Variants in ZZEF1 observed in about 807,000 individuals in gnomAD.
ZZEF1 encodes zinc finger ZZ-type and EF-hand domain-containing protein 1.
A neutral mutation model predicts 342.8 loss-of-function variants in ZZEF1; 157 were observed. That is an observed-to-expected ratio of 0.46 (90% confidence interval 0.40 to 0.52). The LOEUF is 0.52. Ranked by LOEUF, ZZEF1 falls within the 20% of genes least tolerant of loss-of-function variation. ZZEF1 has a pLI of 0.00. For missense variants in ZZEF1, 3,480 were observed against 3,725.6 expected, an observed-to-expected ratio of 0.93 and a Z score of 1.72; for synonymous variants, 1,505 against 1,429.1, an observed-to-expected ratio of 1.05 and a Z score of -1.20.
intron 18 of ZZEF1, among the ~76,000 whole-genome samples, chr17:4,079,072 T>C (rs1312625694): frequency 6.6e-6 from 1 of 152,222 alleles, no homozygotes; most frequent in African/African-American, 2.4e-5. Flanking sequence ...CCAAATGGTA[T>C]ATACAATTAT....
At position 4,114,476 on chromosome 17, in the gene ZZEF1, G is replaced by C; in HGVS notation, c.695-6C>G. On this transcript the variant is annotated splice_region_variant and splice_polypyrimidine_tract_variant and intron_variant, in intron 3 of 54. Coordinates refer to ENST00000381638, the MANE Select transcript of ZZEF1 (RefSeq NM_015113.4). ...AGTTAGATCTCCAGGGCTTTCTGTA[G>C]GGGAAACCAGAGTTGATTATATGAC... The C allele has an allele frequency of 6.6e-7, 1 of 1,504,314 alleles. No homozygotes were observed. 93.2% of individuals were successfully genotyped at this position (1,504,314 alleles called of 1,614,324 possible).
At chr17:4,063,832 A>G (rs2057334569) in intron 29 of ZZEF1, among the ~76,000 whole-genome samples, 2 of 151,692 alleles carry the variant, frequency 1.3e-5, no homozygotes. Flanking sequence ...ACTTTGAGCA[A>G]TTCTCCTGCC....
Position 4,006,970 on chromosome 17 carries a change from C to A in ZZEF1, c.8806G>T (p.Ala2936Ser). 6.3e-7 allele frequency: 1 copy of A among 1,581,486 alleles called. No homozygotes were observed. Among genetic ancestry groups the A allele is most frequent in the South Asian group, 1.2e-5 (1 of 86,680 alleles). The change falls in exon 55 of 55, where the codon GCT (alanine) becomes TCT (serine). Residue 2936 changes from alanine (A) to serine (S), a missense_variant and splice_region_variant. By Grantham distance (99) the Ala-to-Ser change is moderately conservative. Transcript: ENST00000381638. Reference sequence around the variant, plus strand: ...CTGATGGCAGCAATGTTCTGCAGAGCCTGTAGAGGGAAAAAGAGTTGTCGC... The same window carrying A: ...CTGATGGCAGCAATGTTCTGCAGAGACTGTAGAGGGAAAAAGAGTTGTCGC... ...DDHLLRCAAQALQNIAAISLA... is the reference protein window; with the variant it reads ...DDHLLRCAAQSLQNIAAISLA...
At chr17:4,059,660 C>T (rs1375521876) in intron 30 of ZZEF1, among the ~76,000 whole-genome samples, 2 of 152,198 alleles carry the variant, frequency 1.3e-5, no homozygotes, top group Non-Finnish European at 2.9e-5. Flanking sequence ...TCATTGATGA[C>T]TTTGGCACCA....
intron 39 of ZZEF1, among the ~76,000 whole-genome samples, chr17:4,041,963 T>A (rs2056812717): frequency 6.6e-6 from 1 of 152,124 alleles, no homozygotes; most frequent in Non-Finnish European, 1.5e-5. Context: ...AACTATTCTA[T>A]CAATGCTAAA....
intron 39 of ZZEF1, 44 bp from the exon 40 acceptor site, chr17:4,034,336 T>A (rs769329549): frequency 1.9e-6 from 3 of 1,599,364 alleles, no homozygotes; most frequent in East Asian, 2.2e-5. Context: ...AAAATCCACA[T>A]AACCAAACTT....
rs71144154 is a variant in ZZEF1, at chr17:4,023,656, C to CAAAAAAAAAAAAA, written c.7093-841_7093-829dup. Among the ~76,000 whole-genome samples the CAAAAAAAAAAAAA allele has an allele frequency of 2.8e-5, 2 of 71,424 alleles. 1 individual carries two copies. Among genetic ancestry groups the CAAAAAAAAAAAAA allele is most frequent in the Non-Finnish European group, 5.7e-5 (2 of 34,832 alleles). 46.9% of individuals were successfully genotyped at this position (71,424 alleles called of 152,430 possible). ...GAAACTTAGCAAGACCCTGTCTCTC[C>CAAAAAAAAAAAAA]AAAAAAAAAAAAAAAAAAAAAATTA... is the stretch of plus-strand genomic sequence containing the variant. On this transcript the variant is annotated intron_variant, in intron 43 of 54. Transcript: ENST00000381638.
intron 4 of ZZEF1, among the ~76,000 whole-genome samples, chr17:4,113,417 C>T (rs9908412): frequency 0.086 from 13,099 of 152,246 alleles, 729 homozygotes; most frequent in Non-Finnish European, 0.13. Context: ...AGGCCAGGCA[C>T]GGTGGCTCAC....
chr17:4,017,050 C>CGT lies in ZZEF1; in HGVS notation c.8001+319_8001+320dup, dbSNP rs145663023. 107 of 309,094 alleles carry CGT rather than the reference C, an allele frequency of 3.5e-4. No individual in the cohort carries two copies. Among genetic ancestry groups the CGT allele is most frequent in the South Asian group, 6.0e-4 (14 of 23,180 alleles). The allele number at this position is 309,094 out of a possible 1,614,324, so 19.1% of individuals were successfully genotyped here. A position where few individuals can be genotyped will look rare whatever the true frequency, so the allele number is the denominator to read the frequency against. ...GCCAAATGAACTTCCTCATGGACTGCGTGTGTGTGTGTGAAGGTGGGTGAG... is the reference window on the plus strand; with the variant it reads ...GCCAAATGAACTTCCTCATGGACTGCGTGTGTGTGTGTGTGAAGGTGGGTGAG... On this transcript the variant is annotated intron_variant, in intron 48 of 54. Transcript: ENST00000381638. This position sits in a 1 kb window ranked among gnomAD's most constrained non-coding sequence, Gnocchi z 5.1.
intron 17 of ZZEF1, 45 bp downstream of exon 17, chr17:4,082,392 C>T: frequency 4.4e-6 from 7 of 1,597,094 alleles, no homozygotes; most frequent in Non-Finnish European, 6.0e-6. Context: ...AACAACTTTG[C>T]AAAGATTTGA....
At position 4,025,004 on chromosome 17, in the gene ZZEF1, C is replaced by T. The variant is rs1229016485; in HGVS notation, c.7007G>A (p.Ser2336Asn). The T allele has an allele frequency of 1.2e-6, 2 of 1,614,202 alleles. No homozygotes were observed. Among genetic ancestry groups the T allele is most frequent in the Admixed American group, 3.3e-5 (2 of 60,026 alleles). ...CTCGGGACAATGGCTGTCCATGCTG[C>T]TTTGCAGAAGGTGACTGGCGATAAA... is the stretch of plus-strand genomic sequence containing the variant. The part of the protein sequence containing the change: ...FAFIASHLLQ[S>N]SMDSHCPEAV... The change falls in exon 43 of 55, where the codon AGC becomes AAC. Residue 2336 changes from serine to asparagine, a missense_variant. Physicochemically the swap from Ser to Asn is conservative, Grantham distance 46. This residue lies in a region of ZZEF1 where 1,269 missense variants were observed against 1,342.4 expected (regional missense o/e 0.95). Transcript: ENST00000381638.
At chr17:4,059,072 T>C in intron 31 of ZZEF1, 99 bp downstream of exon 31, 1 of 1,042,084 alleles carries the variant, frequency 9.6e-7, no homozygotes, top group Non-Finnish European at 1.3e-6. Context: ...TATTTTATTC[T>C]TTGTGCTTTT....
chr17:4,043,781 C>G (rs1739631922), intron 38 of ZZEF1, among the ~76,000 whole-genome samples: 1 of 152,192 alleles, frequency 6.6e-6, no homozygotes, highest in Non-Finnish European at 1.5e-5. Context: ...TCCCCTAGAT[C>G]TCTTCCTCTC....
rs143068152 is a variant in ZZEF1 at position 4,105,707 on chromosome 17, G to A, written c.1380C>T (p.Leu460=). The A allele has an allele frequency of 1.9e-4, 303 of 1,612,578 alleles. No individual in the cohort carries two copies. The highest frequency in any genetic ancestry group is 2.5e-4 in the Non-Finnish European group (298 of 1,179,102). The change falls in exon 7 of 55, where the codon CTC becomes CTT. Residue 460 remains leucine, a synonymous_variant. Transcript: ENST00000381638. ...CTTGATTTTACCTAGTTATCCTTATGAGGAAACTGTCCACTTCTTCCAGCA... is the reference window on the plus strand; with the variant it reads ...CTTGATTTTACCTAGTTATCCTTATAAGGAAACTGTCCACTTCTTCCAGCA... ...PNVLEEVDSF[L]IRITSCCSTP...
intron 33 of ZZEF1, among the ~76,000 whole-genome samples, chr17:4,055,415 G>T (rs141614004): frequency 3.9e-5 from 6 of 152,214 alleles, no homozygotes; most frequent in Non-Finnish European, 8.8e-5. Context: ...ATGTGGTAGC[G>T]ATGGATTTAA....
chr17:4,106,697 C>T (rs1182799740), intron 6 of ZZEF1, among the ~76,000 whole-genome samples: 1 of 152,098 alleles, frequency 6.6e-6, no homozygotes, highest in Non-Finnish European at 1.5e-5. Flanking sequence ...AATAGCTTTA[C>T]CTACTCTAGA....
chr17:4,024,098 T>C (rs897301458), intron 43 of ZZEF1, among the ~76,000 whole-genome samples: 2 of 151,092 alleles, frequency 1.3e-5, no homozygotes, highest in African/African-American at 4.9e-5. Flanking sequence ...TATGTTTCCT[T>C]GAAAAATCAT....
chr17:4,063,529 T>C (rs952801376), intron 29 of ZZEF1, among the ~76,000 whole-genome samples: 6 of 152,240 alleles, frequency 3.9e-5, no homozygotes, highest in African/African-American at 1.4e-4. Context: ...ATATACTTTA[T>C]AAACAGTATA....
chr17:4,101,415 C>T (rs961576033), intron 9 of ZZEF1, among the ~76,000 whole-genome samples: 6 of 152,012 alleles, frequency 3.9e-5, no homozygotes, highest in Non-Finnish European at 5.9e-5. Flanking sequence ...TCAAATCAGT[C>T]CAGTGAGGAA....
Sources: gnomAD v4.1 joint callset for allele counts (sites outside exome capture counted in the v4.1 genomes callset) on GRCh38, gnomAD v4.1.1 for gene constraint, gnomAD v4.1.1 regional missense constraint, Gnocchi (gnomAD v3.1) non-coding constraint, MANE v1.5 for transcripts, NCBI Gene and HGNC (gene_info 2026-07-23, HGNC 2026-07-21) for gene names.